PATJ: variants seen among roughly 807,000 people sequenced by gnomAD.
The protein encoded by PATJ is PATJ crumbs cell polarity complex component.
Under a neutral mutation model 224.9 loss-of-function variants are expected in PATJ, and 190 were observed. The ratio of observed to expected loss-of-function variants is 0.84; its 90% CI spans 0.75 to 0.95. PATJ has a LOEUF of 0.95. Ranked by LOEUF, PATJ falls within the 40% of genes least tolerant of loss-of-function variation. The pLI is 0.00. For synonymous variants in PATJ, 769 were observed against 820.3 expected, an observed-to-expected ratio of 0.94 and a Z score of 1.07; for missense variants, 2,121 against 2,270.3, an observed-to-expected ratio of 0.93 and a Z score of 1.34.
chr1:62,041,385 A>G (rs1651448360), intron 30 of PATJ, among the ~76,000 whole-genome samples: 1 of 152,178 alleles, frequency 6.6e-6, no homozygotes, highest in African/African-American at 2.4e-5. Context: ...CATCTCCCAC[A>G]GCTGCTAGGT....
At chr1:61,827,276 A>G in intron 15 of PATJ, 146 bp from the exon 16 acceptor site, 4 of 608,804 alleles carry the variant, frequency 6.6e-6, no homozygotes, top group Non-Finnish European at 1.1e-5. Flanking sequence ...TTTAATCATA[A>G]ATAATATGAT....
rs141932652 is a variant in PATJ, at chr1:62,107,700, G to A, written c.4378-737G>A. ...TGGTAGTATTACTTGAATCCTATAC[G>A]TGGGTACATGTCATTTTTATGATGA... On this transcript the variant is annotated intron_variant, in intron 33 of 43. Coordinates refer to ENST00000642238, the MANE Select transcript of PATJ (RefSeq NM_001350145.3). Among the ~76,000 whole-genome samples the A allele has an allele frequency of 9.1e-3, 1,389 of 152,118 alleles. 22 individuals carry two copies. The highest frequency in any genetic ancestry group is 0.031 in the African/African-American group (1,295 of 41,480).
At chr1:61,890,400 GC>G (rs1181953928) in intron 22 of PATJ, among the ~76,000 whole-genome samples, 5 of 152,266 alleles carry the variant, frequency 3.3e-5, no homozygotes, top group African/African-American at 9.6e-5. Flanking sequence ...GATCTCTTGA[GC>G]CCAGCAGTTC....
At chr1:62,123,147 TG>T in intron 39 of PATJ, 89 bp downstream of exon 39, 1 of 883,884 alleles carries the variant, frequency 1.1e-6, no homozygotes, top group Non-Finnish European at 1.8e-6. Context: ...TTTATTGGAT[TG>T]TGAGTGTGCT....
chr1:61,802,149 G>A (rs55990380), intron 12 of PATJ, among the ~76,000 whole-genome samples: 7,007 of 151,898 alleles, frequency 0.046, 228 homozygotes, highest in East Asian at 0.12. Flanking sequence ...GCTGGAGTGC[G>A]GTGGCATGAT....
At chr1:62,048,056 T>C (rs1167099846) in intron 30 of PATJ, among the ~76,000 whole-genome samples, 1 of 152,206 alleles carries the variant, frequency 6.6e-6, no homozygotes, top group Admixed American at 6.5e-5. Context: ...CTTTGAATCT[T>C]AGATCTACCT....
chr1:61,914,133 T>G (rs1262993344), intron 25 of PATJ, among the ~76,000 whole-genome samples: 1 of 152,194 alleles, frequency 6.6e-6, no homozygotes, highest in African/African-American at 2.4e-5. Context: ...AAAGTTAAGA[T>G]TTTAGCTGTT....
chr1:61,989,994 A>G (rs1569727799), intron 27 of PATJ, among the ~76,000 whole-genome samples, 174 bp from the exon 28 acceptor site: 1 of 152,062 alleles, frequency 6.6e-6, no homozygotes, highest in African/African-American at 2.4e-5. Flanking sequence ...CTATAGTCAC[A>G]CCTGTGAATA....
intron 29 of PATJ, among the ~76,000 whole-genome samples, chr1:62,019,223 C>T (rs1439689794): frequency 2.9e-5 from 4 of 139,584 alleles, no homozygotes; most frequent in African/African-American, 8.2e-5. Context: ...CCAGCCTGGA[C>T]GACAGAGAGA....
Position 62,106,063 on chromosome 1 carries a change from A to AAATAT in PATJ, c.4378-2373_4378-2372insATATA, listed in dbSNP as rs34767684. The stretch of plus-strand genomic sequence containing the variant: ...CTCCTCTTAAAAAAAAAAAAAAAAA[A>AAATAT]ATATATATATATATATACACACACA... On this transcript the variant is annotated intron_variant, in intron 33 of 43. Coordinates refer to ENST00000642238, the MANE Select transcript of PATJ (RefSeq NM_001350145.3). Among the ~76,000 whole-genome samples, 61 of 39,660 alleles carry AAATAT rather than the reference A, an allele frequency of 1.5e-3. 5 individuals carry two copies. The highest frequency in any genetic ancestry group is 2.1e-3 in the Non-Finnish European group (45 of 21,858). The allele number at this position is 39,660 out of a possible 152,430, so 26.0% of individuals were successfully genotyped here.
At chr1:62,095,743 C>G (rs1661319829) in intron 33 of PATJ, among the ~76,000 whole-genome samples, 1 of 152,102 alleles carries the variant, frequency 6.6e-6, no homozygotes, top group South Asian at 2.1e-4. Flanking sequence ...TCTCACTGTT[C>G]ACAGGAGTTG....
intron 27 of PATJ, among the ~76,000 whole-genome samples, chr1:61,982,685 GA>G (rs11312731): frequency 0.28 from 43,120 of 151,602 alleles, 6,747 homozygotes; most frequent in East Asian, 0.45. Flanking sequence ...ATTTGTTAGA[GA>G]AAAAAAATTG....
intron 38 of PATJ, among the ~76,000 whole-genome samples, chr1:62,121,966 AAGT>A (rs1665112382): frequency 6.6e-6 from 1 of 152,088 alleles, no homozygotes; most frequent in Non-Finnish European, 1.5e-5. Context: ...AGAAAAAAAA[AAGT>A]GTGTATATCC....
chr1:61,773,415 C>T (rs1366098287), intron 6 of PATJ, among the ~76,000 whole-genome samples: 2 of 152,104 alleles, frequency 1.3e-5, no homozygotes, highest in East Asian at 3.9e-4. Context: ...CATCTGTAAT[C>T]CCACCACTTT....
In PATJ at chr1:61,927,336, T is replaced by C. The variant is rs536342136; in HGVS notation, c.3571-394T>C. On this transcript the variant is annotated intron_variant, in intron 26 of 43. Coordinates refer to ENST00000642238, the MANE Select transcript of PATJ (RefSeq NM_001350145.3). ...TTAAATCATTGTAGAATTAATACAA[T>C]GGATAGTTTTTACTTTTACATTTAT... Among the ~76,000 whole-genome samples the C allele has an allele frequency of 7.2e-5, 11 of 152,310 alleles. No homozygotes were observed. In the East Asian group the frequency reaches 1.3e-3, roughly 19 times the overall value.
chr1:62,116,493 A>T (rs776709921), intron 35 of PATJ, 39 bp from the exon 36 acceptor site: 1 of 1,607,574 alleles, frequency 6.2e-7, no homozygotes, highest in South Asian at 1.1e-5. Context: ...TGGAAATATT[A>T]GGTTGTGCCA....
chr1:61,772,358 T>C (rs954984307), intron 6 of PATJ, among the ~76,000 whole-genome samples: 5 of 152,172 alleles, frequency 3.3e-5, no homozygotes, highest in Non-Finnish European at 7.3e-5. Context: ...ATTATTGATA[T>C]TGCAAAATTA....
chr1:61,764,153 C>T (rs375328595), intron 3 of PATJ, among the ~76,000 whole-genome samples: 5 of 152,060 alleles, frequency 3.3e-5, no homozygotes, highest in Admixed American at 2.0e-4. Context: ...CCACCTCGCC[C>T]GGCCGAAGTC....
In PATJ at chr1:62,121,162, C is replaced by G; in HGVS notation, c.4891-19C>G. 2 of 1,549,570 alleles carry G rather than the reference C, an allele frequency of 1.3e-6. No individual in the cohort carries two copies. The highest frequency in any genetic ancestry group is 1.8e-6 in the Non-Finnish European group (2 of 1,124,532). On this transcript the variant is annotated intron_variant, in intron 37 of 43. Transcript: ENST00000642238. Reference sequence around the variant, plus strand: ...AAGTCAGTGTCTGCACACAGGTGACCCCTGGGTCTTTCTTTCAGGGTAGTC... The same window carrying G: ...AAGTCAGTGTCTGCACACAGGTGACGCCTGGGTCTTTCTTTCAGGGTAGTC...
Sources: gnomAD v4.1 joint callset for allele counts (sites outside exome capture counted in the v4.1 genomes callset) on GRCh38, gnomAD v4.1.1 for gene constraint, MANE v1.5 for transcripts, NCBI Gene and HGNC (gene_info 2026-07-23, HGNC 2026-07-21) for gene names.